EDN1: variants seen among roughly 807,000 people sequenced by gnomAD.
EDN1 encodes endothelin 1, also known as endothelin-1.
In EDN1, 11 loss-of-function variants were observed where a neutral mutation model predicts 21.7. That is an observed-to-expected ratio of 0.51 (90% confidence interval 0.32 to 0.84). The LOEUF (loss-of-function observed/expected upper bound fraction) is 0.84, where lower values mean the gene tolerates loss of function less well. Ranked by LOEUF, EDN1 falls within the 40% of genes least tolerant of loss-of-function variation. The pLI is 0.03. For missense variants in EDN1, 244 were observed against 262.3 expected, an observed-to-expected ratio of 0.93 and a Z score of 0.48; for synonymous variants, 85 against 90.6, an observed-to-expected ratio of 0.94 and a Z score of 0.35.
the EDN1 span, among the ~76,000 whole-genome samples, chr6:12,252,729 T>C: frequency 0.011 from 1,712 of 152,334 alleles, 26 homozygotes; most frequent in African/African-American, 0.039. Context: ...ACTTCATTTA[T>C]GTCTTTTTTT....
the EDN1 span, among the ~76,000 whole-genome samples, chr6:12,272,539 C>T: frequency 1.3e-4 from 19 of 146,158 alleles, no homozygotes; most frequent in African/African-American, 4.8e-4. Flanking sequence ...TTCACTGCAA[C>T]CTGCACCTCC....
the EDN1 span, among the ~76,000 whole-genome samples, chr6:12,245,127 TATA>T: frequency 6.6e-6 from 1 of 152,190 alleles, no homozygotes; most frequent in Non-Finnish European, 1.5e-5. Flanking sequence ...TGGCAATAAT[TATA>T]ATAAGTGGCT....
At chr6:12,244,185 C>T in the EDN1 span, among the ~76,000 whole-genome samples, 1 of 151,964 alleles carries the variant, frequency 6.6e-6, no homozygotes, top group Admixed American at 6.6e-5. Context: ...CAATAATAAA[C>T]TCAATACAAA....
Position 12,294,311 on chromosome 6 carries a change from ACTGTTCCAAG to A in EDN1, c.443_452del (p.Cys148LeufsTer10). 1 of 1,614,242 alleles carries A rather than the reference ACTGTTCCAAG, an allele frequency of 6.2e-7. No individual in the cohort carries two copies. The highest frequency in any genetic ancestry group is 8.5e-7 in the Non-Finnish European group (1 of 1,180,034). On this transcript the variant is annotated frameshift_variant, in exon 4 of 5. Coordinates refer to ENST00000379375, the MANE Select transcript of EDN1 (RefSeq NM_001955.5). LOFTEE classifies it high-confidence loss of function. Reference sequence around the variant, plus strand: ...TGGAATAATCATAAGAAAGGAAAAGACTGTTCCAAGCTTGGGAAAAAGTGTATTTATCAGC... The same window carrying A: ...TGGAATAATCATAAGAAAGGAAAAGACTTGGGAAAAAGTGTATTTATCAGC...
At chr6:12,261,871 G>A in the EDN1 span, among the ~76,000 whole-genome samples, 4 of 152,208 alleles carry the variant, frequency 2.6e-5, no homozygotes, top group African/African-American at 9.6e-5. Context: ...GAAAGGTCAG[G>A]CTGCTCTCAA....
At chr6:12,232,704 C>G in the EDN1 span, among the ~76,000 whole-genome samples, 1 of 152,136 alleles carries the variant, frequency 6.6e-6, no homozygotes, top group East Asian at 1.9e-4. Context: ...TTCTTTCACT[C>G]AAAGTATTAA....
the EDN1 span, among the ~76,000 whole-genome samples, chr6:12,237,474 G>T: frequency 1.3e-5 from 2 of 152,152 alleles, no homozygotes; most frequent in African/African-American, 2.4e-5. Flanking sequence ...TATAAATGTG[G>T]TAAATTTTGA....
the EDN1 span, among the ~76,000 whole-genome samples, chr6:12,263,370 GA>G: frequency 6.6e-6 from 1 of 152,134 alleles, no homozygotes; most frequent in African/African-American, 2.4e-5. Flanking sequence ...AGCATAAAAA[GA>G]ATCTGTTACA....
At chr6:12,277,617 G>A in the EDN1 span, among the ~76,000 whole-genome samples, 1 of 152,230 alleles carries the variant, frequency 6.6e-6, no homozygotes, top group African/African-American at 2.4e-5. Flanking sequence ...AAAGGGCCAA[G>A]GGCGAATCTC....
At chr6:12,239,147 G>C in the EDN1 span, among the ~76,000 whole-genome samples, 26 of 152,160 alleles carry the variant, frequency 1.7e-4, no homozygotes, top group African/African-American at 6.3e-4. Context: ...TGGGCCCAGA[G>C]TTGTCACAGG....
chr6:12,232,731 G>A, the EDN1 span, among the ~76,000 whole-genome samples: 1 of 152,184 alleles, frequency 6.6e-6, no homozygotes. Context: ...AAAGGAAAAT[G>A]TTGCAAACTA....
chr6:12,275,004 C>CCCTCCCTT, the EDN1 span, among the ~76,000 whole-genome samples: 3 of 140,486 alleles, frequency 2.1e-5, no homozygotes, highest in East Asian at 2.0e-4. Flanking sequence ...CTCCCTCCCT[C>CCCTCCCTT]CCTTCCTTCC....
the EDN1 span, among the ~76,000 whole-genome samples, chr6:12,237,464 T>A: frequency 1.3e-5 from 2 of 152,224 alleles, no homozygotes; most frequent in African/African-American, 4.8e-5. Flanking sequence ...ACAATTTTTT[T>A]ATAAATGTGG....
At chr6:12,245,183 A>G in the EDN1 span, among the ~76,000 whole-genome samples, 58,930 of 152,010 alleles carry the variant, frequency 0.39, 11,423 homozygotes, top group South Asian at 0.48. Context: ...TTTTTTCCTA[A>G]ACATTTATCA....
the EDN1 span, among the ~76,000 whole-genome samples, chr6:12,230,950 A>G: frequency 6.6e-6 from 1 of 152,196 alleles, no homozygotes; most frequent in Non-Finnish European, 1.5e-5. Flanking sequence ...GCACAGAACC[A>G]AAACAGTAGT....
At chr6:12,275,210 C>T in the EDN1 span, among the ~76,000 whole-genome samples, 2 of 152,206 alleles carry the variant, frequency 1.3e-5, no homozygotes, top group African/African-American at 4.8e-5. Context: ...GGCCTCAGAG[C>T]CCTCAGTTGG....
At chr6:12,252,999 A>T in the EDN1 span, among the ~76,000 whole-genome samples, 1 of 152,228 alleles carries the variant, frequency 6.6e-6, no homozygotes, top group Non-Finnish European at 1.5e-5. Context: ...CTACATGCCA[A>T]AGACAATGAA....
chr6:12,273,261 CCG>C, the EDN1 span, among the ~76,000 whole-genome samples: 2 of 152,198 alleles, frequency 1.3e-5, no homozygotes, highest in Admixed American at 1.3e-4. Flanking sequence ...CATTTCAGGC[CCG>C]TGGAAAGTTT....
the EDN1 span, among the ~76,000 whole-genome samples, chr6:12,251,986 C>A: frequency 4.2e-3 from 636 of 152,290 alleles, 5 homozygotes; most frequent in Middle Eastern, 0.041. Flanking sequence ...AATAGCTTTT[C>A]TTTCTCAAAA....
Sources: allele counts gnomAD v4.1 joint callset (sites outside exome capture counted in the v4.1 genomes callset), GRCh38; gene constraint gnomAD v4.1.1; transcripts MANE v1.5; gene names NCBI Gene and HGNC (gene_info 2026-07-23, HGNC 2026-07-21).